Variants in CCBE1 observed in about 807,000 individuals in gnomAD.
CCBE1 encodes collagen and calcium-binding EGF domain-containing protein 1.
In CCBE1, 37 loss-of-function variants were observed where a neutral mutation model predicts 50.0. The observed-to-expected ratio is 0.74, with a 90% CI of 0.57 to 0.97. The LOEUF is 0.97. Among genes scored for constraint, CCBE1 ranks in the 50% least tolerant of loss-of-function variants. The probability of loss-of-function intolerance (pLI) is 0.00; values close to 1 mark genes in which losing one functional copy is unlikely to be tolerated. For missense variants in CCBE1, 538 were observed against 523.8 expected (o/e 1.03, Z -0.26); for synonymous variants, 234 against 203.7 (o/e 1.15, Z -1.27).
At chr18:59,579,673 C>G (rs922709725) in intron 2 of CCBE1, among the ~76,000 whole-genome samples, 5 of 152,330 alleles carry the variant, frequency 3.3e-5, no homozygotes, top group East Asian at 1.9e-4. Context: ...TGGCAGCCAC[C>G]TGCCTGGAGC....
At chr18:59,552,027 T>A (rs1294257156) in intron 2 of CCBE1, among the ~76,000 whole-genome samples, 1 of 152,210 alleles carries the variant, frequency 6.6e-6, no homozygotes, top group Non-Finnish European at 1.5e-5. Flanking sequence ...GGCTCACAGC[T>A]GGCCTGGGGA....
intron 9 of CCBE1, 34 bp downstream of exon 9, chr18:59,439,509 C>A (rs774660389): frequency 2.5e-6 from 4 of 1,613,474 alleles, no homozygotes; most frequent in Non-Finnish European, 3.4e-6. Context: ...AAGTGAGAGA[C>A]CTTTAGCTTG....
Position 59,597,907 on chromosome 18 carries a change from GA to G in CCBE1, c.212+98721del, listed in dbSNP as rs568134777. Reference sequence around the variant, plus strand: ...GAGGATACTTCCTAGCAATCTTGAAGAAAAGGGTAAATAGTTTATTTCTAAT... The same window carrying G: ...GAGGATACTTCCTAGCAATCTTGAAGAAAGGGTAAATAGTTTATTTCTAAT... On this transcript the variant is annotated intron_variant, in intron 2 of 10. Coordinates refer to ENST00000439986, the MANE Select transcript of CCBE1 (RefSeq NM_133459.4). Among the ~76,000 whole-genome samples, 287 of 152,290 alleles carry G rather than the reference GA, an allele frequency of 1.9e-3. 1 individual carries two copies. The highest frequency in any genetic ancestry group is 6.6e-3 in the African/African-American group (273 of 41,560).
chr18:59,476,700 C>T lies in CCBE1; in HGVS notation c.265+3486G>A, dbSNP rs149914810. 1.8e-3 allele frequency among the ~76,000 whole-genome samples: 278 copies of T among 152,338 alleles called. 8 individuals carry two copies. In the East Asian group the frequency reaches 0.043, roughly 24 times the overall value. On this transcript the variant is annotated intron_variant, in intron 3 of 10. Transcript: ENST00000439986. ...CAACGCTTAAAAACTATAGCTTCCACTCATTAGTTAACGTATTTCTTTAGA... is the reference window on the plus strand; with the variant it reads ...CAACGCTTAAAAACTATAGCTTCCATTCATTAGTTAACGTATTTCTTTAGA...
intron 2 of CCBE1, among the ~76,000 whole-genome samples, chr18:59,600,735 A>G (rs1446334585): frequency 6.6e-6 from 1 of 152,164 alleles, no homozygotes; most frequent in African/African-American, 2.4e-5. Flanking sequence ...GGGGCTGGTT[A>G]CCACCAACTC....
At chr18:59,658,463 G>A (rs1168276640) in intron 2 of CCBE1, among the ~76,000 whole-genome samples, 1 of 127,776 alleles carries the variant, frequency 7.8e-6, no homozygotes, top group African/African-American at 2.9e-5. Flanking sequence ...AGCTGCTCAG[G>A]AGGCTGAGGC....
intron 2 of CCBE1, among the ~76,000 whole-genome samples, chr18:59,497,546 G>A (rs1019987622): frequency 2.6e-5 from 4 of 152,158 alleles, no homozygotes; most frequent in African/African-American, 9.7e-5. Flanking sequence ...AATAGATAAG[G>A]CCACTTAGGG....
chr18:59,442,028 C>T (rs988829729), intron 7 of CCBE1, among the ~76,000 whole-genome samples: 5 of 152,142 alleles, frequency 3.3e-5, no homozygotes, highest in African/African-American at 7.2e-5. Flanking sequence ...TTCCTAATTG[C>T]CCCATAGTCC....
intron 2 of CCBE1, among the ~76,000 whole-genome samples, chr18:59,551,301 T>C (rs930528316): frequency 1.3e-5 from 2 of 152,048 alleles, no homozygotes; most frequent in Non-Finnish European, 2.9e-5. Context: ...AAAGGTACAG[T>C]AAACATATAA....
At chr18:59,578,412 A>C (rs1480745937) in intron 2 of CCBE1, among the ~76,000 whole-genome samples, 1 of 152,240 alleles carries the variant, frequency 6.6e-6, no homozygotes, top group African/African-American at 2.4e-5. Flanking sequence ...ATCTAGAACC[A>C]GAAATACCAT....
At chr18:59,673,296 C>T (rs2054458812) in intron 2 of CCBE1, among the ~76,000 whole-genome samples, 1 of 152,074 alleles carries the variant, frequency 6.6e-6, no homozygotes, top group Non-Finnish European at 1.5e-5. Context: ...ACTAAAAATA[C>T]AAAAATTAGC....
intron 2 of CCBE1, among the ~76,000 whole-genome samples, chr18:59,690,943 G>T (rs890863540): frequency 6.6e-6 from 1 of 152,220 alleles, no homozygotes; most frequent in Non-Finnish European, 1.5e-5. Flanking sequence ...ATAGCTGCCA[G>T]AATCTAGCAC....
intron 2 of CCBE1, among the ~76,000 whole-genome samples, chr18:59,652,675 G>A (rs1265280201): frequency 2.0e-5 from 3 of 152,170 alleles, no homozygotes; most frequent in Admixed American, 1.3e-4. Flanking sequence ...GCTAAAGAAA[G>A]GATTTTCGGC....
intron 2 of CCBE1, among the ~76,000 whole-genome samples, chr18:59,481,425 A>T (rs62092881): frequency 0.31 from 47,623 of 152,006 alleles, 7,997 homozygotes; most frequent in African/African-American, 0.42. Context: ...ACAGTGGCTG[A>T]AAACCTCCAA....
At chr18:59,647,050 T>C (rs2054064161) in intron 2 of CCBE1, among the ~76,000 whole-genome samples, 1 of 152,230 alleles carries the variant, frequency 6.6e-6, no homozygotes, top group Non-Finnish European at 1.5e-5. Context: ...GAGTTGATGT[T>C]ATCTAATAAT....
chr18:59,508,566 T>C (rs1318128099), intron 2 of CCBE1, among the ~76,000 whole-genome samples: 2 of 151,772 alleles, frequency 1.3e-5, no homozygotes, highest in East Asian at 1.9e-4. Context: ...CACTATACTC[T>C]AGCCTGGGCA....
intron 2 of CCBE1, among the ~76,000 whole-genome samples, chr18:59,673,784 G>T (rs1162853222): frequency 6.6e-6 from 1 of 152,206 alleles, no homozygotes; most frequent in African/African-American, 2.4e-5. Flanking sequence ...GCATCCCAGG[G>T]ATGAAGCCAA....
chr18:59,490,387 C>CTT (rs11379621), intron 2 of CCBE1, among the ~76,000 whole-genome samples: 5,068 of 141,760 alleles, frequency 0.036, 289 homozygotes, highest in African/African-American at 0.12. Context: ...GATATTCCCC[C>CTT]TTTTTTTTTT....
intron 2 of CCBE1, among the ~76,000 whole-genome samples, chr18:59,623,058 A>G (rs1423095185): frequency 6.6e-6 from 1 of 152,198 alleles, no homozygotes; most frequent in African/African-American, 2.4e-5. Context: ...CACTGATTGT[A>G]ATAAATGCAC....
Sources: gnomAD v4.1 joint callset for allele counts (sites outside exome capture counted in the v4.1 genomes callset) on GRCh38, gnomAD v4.1.1 for gene constraint, MANE v1.5 for transcripts, NCBI Gene and HGNC (gene_info 2026-07-23, HGNC 2026-07-21) for gene names.